The following GPC6 variants were observed in gnomAD, a reference collection of about 807,000 sequenced individuals.
GPC6 encodes glypican-6.
Under a neutral mutation model 55.2 loss-of-function variants are expected in GPC6, and 14 were observed. That is an observed-to-expected ratio of 0.25 (90% confidence interval 0.17 to 0.40). The LOEUF (loss-of-function observed/expected upper bound fraction) is 0.40. Ranked by LOEUF, GPC6 falls within the 10% of genes least tolerant of loss-of-function variation. GPC6 has a pLI of 1.00. For synonymous variants in GPC6, 278 were observed against 259.6 expected, an observed-to-expected ratio of 1.07 and a Z score of -0.68; for missense variants, 641 against 708.5, an observed-to-expected ratio of 0.90 and a Z score of 1.08.
chr13:93,321,242 C>G (rs996859449), intron 1 of GPC6, among the ~76,000 whole-genome samples: 2 of 152,118 alleles, frequency 1.3e-5, no homozygotes, highest in South Asian at 4.1e-4. Flanking sequence ...AAAACTTCAG[C>G]CTTCCCAGTG....
At chr13:94,263,903 G>A (rs954429503) in intron 4 of GPC6, among the ~76,000 whole-genome samples, 3 of 152,142 alleles carry the variant, frequency 2.0e-5, no homozygotes, top group Non-Finnish European at 4.4e-5. Context: ...AATAGTCAAC[G>A]CCATTGATTT....
At chr13:93,507,611 G>A (rs569359082) in intron 1 of GPC6, among the ~76,000 whole-genome samples, 6 of 152,180 alleles carry the variant, frequency 3.9e-5, no homozygotes, top group Non-Finnish European at 7.4e-5. Context: ...GACATAGATC[G>A]TATTATAGAT....
At position 94,125,018 on chromosome 13, in the gene GPC6, C is replaced by T. The variant is rs944492040; in HGVS notation, c.877+97124C>T. On this transcript the variant is annotated intron_variant, in intron 4 of 8. Transcript: ENST00000377047. ...AATAATTTTTTTTTACCAAGCCATT[C>T]ATAAATTAGGAAAGAATCTCTCCTA... Among the ~76,000 whole-genome samples, 19 of 152,146 alleles carry T rather than the reference C, an allele frequency of 1.2e-4. 1 individual carries two copies. Among genetic ancestry groups the T allele is most frequent in the African/African-American group, 4.3e-4 (18 of 41,524 alleles).
intron 7 of GPC6, among the ~76,000 whole-genome samples, chr13:94,395,968 C>A (rs146324487): frequency 6.6e-6 from 1 of 152,222 alleles, no homozygotes; most frequent in Non-Finnish European, 1.5e-5. Flanking sequence ...TGGGAGGCAG[C>A]AGCTGGAGGT....
intron 4 of GPC6, among the ~76,000 whole-genome samples, chr13:94,135,117 T>G (rs1409962916): frequency 6.6e-6 from 1 of 152,156 alleles, no homozygotes; most frequent in Admixed American, 6.5e-5. Context: ...ATTGACATAG[T>G]ACTTATCTAG....
intron 3 of GPC6, among the ~76,000 whole-genome samples, chr13:93,953,105 G>T (rs1229671048): frequency 2.6e-5 from 4 of 151,516 alleles, no homozygotes; most frequent in Non-Finnish European, 5.9e-5. Flanking sequence ...CATTCATTTT[G>T]TTGCCTTCAC....
At chr13:93,704,355 G>T (rs1164583714) in intron 2 of GPC6, among the ~76,000 whole-genome samples, 1 of 151,834 alleles carries the variant, frequency 6.6e-6, no homozygotes, top group East Asian at 1.9e-4. Flanking sequence ...TTCTTTTTGA[G>T]CCACAATGCA....
Position 93,227,664 on chromosome 13 carries a change from C to G in GPC6, c.160+48C>G, listed in dbSNP as rs1875845042. 6.7e-7 allele frequency: 1 copy of G among 1,486,568 alleles called. No homozygotes were observed. Among genetic ancestry groups the G allele is most frequent in the Non-Finnish European group, 9.1e-7 (1 of 1,097,414 alleles). 92.1% of individuals were successfully genotyped at this position (1,486,568 alleles called of 1,614,324 possible). A position where few individuals can be genotyped will look rare whatever the true frequency, so the allele number is the denominator to read the frequency against. On this transcript the variant is annotated intron_variant, in intron 1 of 8. Transcript: ENST00000377047. This position sits in a 1 kb window ranked among gnomAD's most constrained non-coding sequence, Gnocchi z 4.3. The stretch of plus-strand genomic sequence containing the variant: ...GGCAGGCTGCAGCCCTCGGCTGCCG[C>G]ACGTCCCACTGGCCGCCCGGCGTCC...
chr13:93,506,665 T>G (rs1265753462), intron 1 of GPC6, among the ~76,000 whole-genome samples: 1 of 152,022 alleles, frequency 6.6e-6, no homozygotes, highest in East Asian at 1.9e-4. Flanking sequence ...ATAACCCACT[T>G]TATAAGCATG....
At chr13:93,728,332 T>C (rs959900465) in intron 2 of GPC6, among the ~76,000 whole-genome samples, 13 of 151,908 alleles carry the variant, frequency 8.6e-5, no homozygotes, top group Admixed American at 3.3e-4. Flanking sequence ...TTCTCTGACC[T>C]GAGCCTCCCA....
chr13:94,034,050 A>G (rs1180703534), intron 4 of GPC6, among the ~76,000 whole-genome samples: 1 of 152,128 alleles, frequency 6.6e-6, no homozygotes, highest in Non-Finnish European at 1.5e-5. Context: ...GTCAGGTGAA[A>G]TCTAACACCA....
At chr13:93,766,767 T>C (rs1239326786) in intron 2 of GPC6, among the ~76,000 whole-genome samples, 1 of 152,076 alleles carries the variant, frequency 6.6e-6, no homozygotes, top group Non-Finnish European at 1.5e-5. Context: ...GTTGAAACAG[T>C]CCCGTAAAAT....
chr13:93,534,760 G>C (rs1233634343), intron 1 of GPC6, among the ~76,000 whole-genome samples: 1 of 152,190 alleles, frequency 6.6e-6, no homozygotes, highest in African/African-American at 2.4e-5. Flanking sequence ...GAAAACAGAT[G>C]ACAATTTATG....
chr13:93,662,856 AAAC>A (rs1880980864), intron 2 of GPC6, among the ~76,000 whole-genome samples: 1 of 152,232 alleles, frequency 6.6e-6, no homozygotes, highest in East Asian at 1.9e-4. Context: ...TTGAAATTTA[AAAC>A]AACAACAAAA....
intron 1 of GPC6, among the ~76,000 whole-genome samples, chr13:93,415,313 C>T (rs9524055): frequency 0.3 from 46,279 of 151,842 alleles, 9,077 homozygotes; most frequent in Non-Finnish European, 0.45. Flanking sequence ...ACCATATCAA[C>T]GTATAAATAT....
chr13:94,333,507 T>A (rs1020962233), intron 6 of GPC6, among the ~76,000 whole-genome samples: 1 of 152,228 alleles, frequency 6.6e-6, no homozygotes, highest in African/African-American at 2.4e-5. Context: ...AGGAAATCAA[T>A]ACATCAATGC....
intron 1 of GPC6, among the ~76,000 whole-genome samples, chr13:93,452,108 A>G (rs928690692): frequency 6.6e-6 from 1 of 152,232 alleles, no homozygotes; most frequent in Non-Finnish European, 1.5e-5. Context: ...AGGTGATGCT[A>G]TGTGCTACAT....
intron 4 of GPC6, among the ~76,000 whole-genome samples, chr13:94,151,428 G>A (rs773979861): frequency 6.6e-6 from 1 of 152,116 alleles, no homozygotes; most frequent in Non-Finnish European, 1.5e-5. Flanking sequence ...CTGTTGTTAT[G>A]TTTTCCGAAT....
chr13:94,075,137 G>A (rs1288500957), intron 4 of GPC6, among the ~76,000 whole-genome samples: 1 of 152,176 alleles, frequency 6.6e-6, no homozygotes. Context: ...CATTAATGGT[G>A]TGTGAAGTCA....
Sources: gnomAD v4.1 joint callset for allele counts (sites outside exome capture counted in the v4.1 genomes callset) on GRCh38, gnomAD v4.1.1 for gene constraint, Gnocchi (gnomAD v3.1) non-coding constraint, MANE v1.5 for transcripts, NCBI Gene and HGNC (gene_info 2026-07-23, HGNC 2026-07-21) for gene names.